The following PDZRN4 variants were observed in gnomAD, a reference collection of about 807,000 sequenced individuals.
PDZRN4 encodes PDZ domain containing ring finger 4, also known as PDZ domain-containing RING finger protein 4.
PDZRN4 carries 70 observed loss-of-function variants against 99.0 expected under a neutral mutation model. That is an observed-to-expected ratio of 0.71 (90% CI 0.58 to 0.86). PDZRN4 has a LOEUF of 0.86. Ranked by LOEUF, PDZRN4 falls within the 40% of genes least tolerant of loss-of-function variation. The pLI is 0.00. For missense variants in PDZRN4, 1,474 were observed against 1,331.2 expected (o/e 1.11, Z -1.67); for synonymous variants, 551 against 501.6 (o/e 1.10, Z -1.32).
intron 3 of PDZRN4, among the ~76,000 whole-genome samples, chr12:41,482,789 G>A (rs1303230854): frequency 6.6e-6 from 1 of 152,024 alleles, no homozygotes; most frequent in African/African-American, 2.4e-5. Flanking sequence ...TGGGATAGGA[G>A]AGTATACCTA....
intron 3 of PDZRN4, among the ~76,000 whole-genome samples, chr12:41,504,903 C>A (rs1938178732): frequency 6.6e-6 from 1 of 152,142 alleles, no homozygotes; most frequent in South Asian, 2.1e-4. Context: ...AGAGCAAGAA[C>A]TGAATTGGGA....
chr12:41,191,368 G>A (rs1250969332), intron 1 of PDZRN4, 90 bp from the exon 2 acceptor site: 1 of 677,250 alleles, frequency 1.5e-6, no homozygotes, highest in Non-Finnish European at 2.5e-6. Flanking sequence ...TCACATGTCA[G>A]TTAACTTACA....
chr12:41,416,306 G>A (rs1320182105), intron 3 of PDZRN4, among the ~76,000 whole-genome samples: 1 of 151,938 alleles, frequency 6.6e-6, no homozygotes, highest in Non-Finnish European at 1.5e-5. Context: ...TCCTCTTTCT[G>A]AAAACAAAAA....
intron 3 of PDZRN4, among the ~76,000 whole-genome samples, chr12:41,266,701 T>A (rs1951279539): frequency 6.6e-6 from 1 of 152,260 alleles, no homozygotes; most frequent in Non-Finnish European, 1.5e-5. Flanking sequence ...CTTAGACTGA[T>A]CTGTTTTTTA....
At chr12:41,438,088 G>A in intron 3 of PDZRN4, 3 of 1,524,244 alleles carry the variant, frequency 2.0e-6, no homozygotes, top group Non-Finnish European at 9.1e-7. Context: ...ATGAATTCTG[G>A]CTAGCTTTAT....
intron 3 of PDZRN4, among the ~76,000 whole-genome samples, chr12:41,374,443 G>C (rs1045825020): frequency 6.6e-6 from 1 of 152,156 alleles, no homozygotes; most frequent in African/African-American, 2.4e-5. Context: ...CTAAATCCCA[G>C]TGAGGGCCAA....
At chr12:41,530,420 C>A (rs1453400974) in intron 5 of PDZRN4, among the ~76,000 whole-genome samples, 1 of 152,086 alleles carries the variant, frequency 6.6e-6, no homozygotes, top group African/African-American at 2.4e-5. Flanking sequence ...AAATTCTGAA[C>A]AAAGTTCCTA....
intron 3 of PDZRN4, among the ~76,000 whole-genome samples, chr12:41,433,713 C>A (rs895229511): frequency 1.3e-5 from 2 of 152,228 alleles, no homozygotes; most frequent in African/African-American, 4.8e-5. Flanking sequence ...TTTATGACAG[C>A]TGTCACAGGC....
In PDZRN4 at chr12:41,286,645, G is replaced by T. The variant is rs569559868; in HGVS notation, c.843+92457G>T. Among the ~76,000 whole-genome samples the T allele has an allele frequency of 1.4e-4, 22 of 152,294 alleles. 1 individual carries two copies. In the South Asian group the frequency reaches 4.6e-3, roughly 32 times the overall value. The stretch of plus-strand genomic sequence containing the variant: ...GAGGCACAAGTGGCTGTCTCGATGT[G>T]TAAATGGATGTGTCAACACCAGGAA... On this transcript the variant is annotated intron_variant, in intron 3 of 9. Coordinates refer to ENST00000402685, the MANE Select transcript of PDZRN4 (RefSeq NM_001164595.2).
chr12:41,511,203 C>T (rs1308523885), intron 5 of PDZRN4, among the ~76,000 whole-genome samples: 3 of 151,910 alleles, frequency 2.0e-5, no homozygotes, highest in Non-Finnish European at 4.4e-5. Flanking sequence ...TAAAATAAGT[C>T]AGTGTGCTCG....
At chr12:41,235,846 CT>C (rs1315881178) in intron 3 of PDZRN4, among the ~76,000 whole-genome samples, 1 of 152,130 alleles carries the variant, frequency 6.6e-6, no homozygotes, top group African/African-American at 2.4e-5. Context: ...GTTTAACCAG[CT>C]TGAACATTAC....
At chr12:41,215,923 G>A (rs191510734) in intron 3 of PDZRN4, among the ~76,000 whole-genome samples, 5 of 151,390 alleles carry the variant, frequency 3.3e-5, no homozygotes, top group Non-Finnish European at 5.9e-5. Context: ...GATTTAGTTA[G>A]GTAATTTACA....
intron 5 of PDZRN4, among the ~76,000 whole-genome samples, chr12:41,546,049 A>T (rs758698948): frequency 3.9e-5 from 6 of 152,200 alleles, no homozygotes; most frequent in Non-Finnish European, 5.9e-5. Context: ...TTAGCATGTG[A>T]AACAGCAACT....
chr12:41,296,346 C>T (rs149936318), intron 3 of PDZRN4, among the ~76,000 whole-genome samples: 21 of 152,294 alleles, frequency 1.4e-4, no homozygotes, highest in Non-Finnish European at 2.4e-4. Flanking sequence ...CAAAAGTAGA[C>T]AGGTCAAGAA....
At chr12:41,416,310 AC>A (rs1342496482) in intron 3 of PDZRN4, among the ~76,000 whole-genome samples, 7 of 152,090 alleles carry the variant, frequency 4.6e-5, no homozygotes, top group African/African-American at 1.4e-4. Flanking sequence ...CTTTCTGAAA[AC>A]AAAAAAATGG....
At chr12:41,436,750 G>T (rs1952633082) in intron 3 of PDZRN4, among the ~76,000 whole-genome samples, 4 of 152,152 alleles carry the variant, frequency 2.6e-5, no homozygotes, top group Non-Finnish European at 1.5e-5. Context: ...AGTGTGAAAT[G>T]AAATGCATTA....
At chr12:41,374,915 C>G (rs1053808901) in intron 3 of PDZRN4, among the ~76,000 whole-genome samples, 2 of 152,260 alleles carry the variant, frequency 1.3e-5, no homozygotes, top group African/African-American at 2.4e-5. Context: ...AATGTTATAC[C>G]TCTTCTGAGA....
chr12:41,242,734 CAGTT>C (rs1177784414), intron 3 of PDZRN4, among the ~76,000 whole-genome samples: 1 of 152,056 alleles, frequency 6.6e-6, no homozygotes, highest in Non-Finnish European at 1.5e-5. Flanking sequence ...CCCAAAATGT[CAGTT>C]AGATAAAACT....
At chr12:41,526,479 A>C (rs908559219) in intron 5 of PDZRN4, among the ~76,000 whole-genome samples, 1 of 152,206 alleles carries the variant, frequency 6.6e-6, no homozygotes, top group African/African-American at 2.4e-5. Context: ...TTTCCAATGC[A>C]CGAAGAGTTG....
Sources: allele counts gnomAD v4.1 joint callset (sites outside exome capture counted in the v4.1 genomes callset), GRCh38; gene constraint gnomAD v4.1.1; transcripts MANE v1.5; gene names NCBI Gene and HGNC (gene_info 2026-07-23, HGNC 2026-07-21).